The following DIS3L2 variants were observed in gnomAD, a reference collection of about 807,000 sequenced individuals.
The protein encoded by DIS3L2 is DIS3 like 3'-5' exoribonuclease 2, also known as DIS3-like exonuclease 2.
A neutral mutation model predicts 97.5 loss-of-function variants in DIS3L2; 34 were observed. The observed-to-expected ratio is 0.35, with a 90% CI of 0.27 to 0.46. DIS3L2 has a LOEUF of 0.46. Among genes scored for constraint, DIS3L2 ranks in the 20% least tolerant of loss-of-function variants. The pLI is 1.00. For missense variants in DIS3L2, 1,038 were observed against 1,146.0 expected, an observed-to-expected ratio of 0.91 and a Z score of 1.36; for synonymous variants, 435 against 445.2, an observed-to-expected ratio of 0.98 and a Z score of 0.29.
rs112159846 is a variant in DIS3L2, at chr2:231,975,126, G to A, written c.-94+13361G>A. Among the ~76,000 whole-genome samples, 20 of 152,226 alleles carry A rather than the reference G, an allele frequency of 1.3e-4. 2 individuals carry two copies. Among genetic ancestry groups the A allele is most frequent in the African/African-American group, 4.8e-4 (20 of 41,534 alleles). ...TTTTAGTAAAGATCTTAGAATCTCA[G>A]ATGGGACTTTTCAGCTTTAGGAAAT... On this transcript the variant is annotated intron_variant, in intron 1 of 20. Coordinates refer to ENST00000325385, the MANE Select transcript of DIS3L2 (RefSeq NM_152383.5).
chr2:232,326,222 AT>A (rs1695568827), intron 14 of DIS3L2, among the ~76,000 whole-genome samples: 1 of 152,112 alleles, frequency 6.6e-6, no homozygotes, highest in South Asian at 2.1e-4. Context: ...CCACCAGGGA[AT>A]TGACAGGGTG....
chr2:232,211,755 G>C (rs1177643739), intron 10 of DIS3L2, among the ~76,000 whole-genome samples: 1 of 152,216 alleles, frequency 6.6e-6, no homozygotes, highest in Non-Finnish European at 1.5e-5. Flanking sequence ...AGATGGGGAA[G>C]CTTAGTAGAT....
In DIS3L2 at chr2:232,037,140, G is replaced by A. The variant is rs1027492743; in HGVS notation, c.366+7060G>A. On this transcript the variant is annotated intron_variant, in intron 5 of 20. Transcript: ENST00000325385. The surrounding 1 kb of genome is among the most constrained non-coding windows in gnomAD (Gnocchi z 4.6). ...GTCTGCTGAAGCTGCACCCACATCC[G>A]CCCCTTCCCCCAGGTGCTCTGTCCC... is the stretch of plus-strand genomic sequence containing the variant. 2.0e-5 allele frequency among the ~76,000 whole-genome samples: 3 copies of A among 152,180 alleles called. No homozygotes were observed. The highest frequency in any genetic ancestry group is 7.2e-5 in the African/African-American group (3 of 41,448).
chr2:232,249,027 C>T (rs1574971281), intron 11 of DIS3L2, among the ~76,000 whole-genome samples: 2 of 152,186 alleles, frequency 1.3e-5, no homozygotes, highest in Non-Finnish European at 2.9e-5. Context: ...ACCAGTTCTC[C>T]TCACTTTCCC....
At chr2:232,000,415 C>T (rs1693843695) in intron 1 of DIS3L2, among the ~76,000 whole-genome samples, 1 of 152,046 alleles carries the variant, frequency 6.6e-6, no homozygotes, top group Non-Finnish European at 1.5e-5. Flanking sequence ...AGACATCTCT[C>T]CTCTCCCCTC....
At chr2:232,278,897 C>A (rs1434540072) in intron 13 of DIS3L2, among the ~76,000 whole-genome samples, 2 of 152,142 alleles carry the variant, frequency 1.3e-5, no homozygotes, top group African/African-American at 4.8e-5. Flanking sequence ...TCCAAAGTGA[C>A]TATACCACTT....
intron 9 of DIS3L2, among the ~76,000 whole-genome samples, chr2:232,181,562 C>T (rs1249261): frequency 1.3e-5 from 2 of 151,964 alleles, no homozygotes; most frequent in Admixed American, 6.6e-5. Flanking sequence ...ATTTCATTCA[C>T]TTCATCTTCC....
In DIS3L2 at chr2:232,037,881, C is replaced by A. The variant is rs1036692558; in HGVS notation, c.366+7801C>A. Among the ~76,000 whole-genome samples, 3 of 152,224 alleles carry A rather than the reference C, an allele frequency of 2.0e-5. No homozygotes were observed. The highest frequency in any genetic ancestry group is 2.0e-4 in the Admixed American group (3 of 15,290). On this transcript the variant is annotated intron_variant, in intron 5 of 20. Transcript: ENST00000325385. The surrounding 1 kb of genome is among the most constrained non-coding windows in gnomAD (Gnocchi z 4.6). ...GGGCTGCACCCACTGGCTAACCAGT[C>A]CCAGTGAGATGAACCAGGTACCTCA... is the stretch of plus-strand genomic sequence containing the variant.
intron 3 of DIS3L2, 27 bp from the exon 4 acceptor site, chr2:232,024,250 T>A: frequency 2.6e-6 from 4 of 1,538,268 alleles, no homozygotes; most frequent in Non-Finnish European, 3.5e-6. Flanking sequence ...AGCTAGATTT[T>A]CACAAACTTT....
At chr2:232,285,149 C>A (rs1694394363) in intron 13 of DIS3L2, among the ~76,000 whole-genome samples, 1 of 152,150 alleles carries the variant, frequency 6.6e-6, no homozygotes, top group Non-Finnish European at 1.5e-5. Context: ...AGTTTTTGGA[C>A]TAGCTGACTG....
At chr2:232,290,633 G>A (rs534852018) in intron 13 of DIS3L2, among the ~76,000 whole-genome samples, 1 of 152,330 alleles carries the variant, frequency 6.6e-6, no homozygotes, top group Admixed American at 6.5e-5. Flanking sequence ...TTCTCAGAAA[G>A]TAAAACCTCA....
intron 13 of DIS3L2, among the ~76,000 whole-genome samples, chr2:232,270,146 A>G (rs955140530): frequency 6.6e-6 from 1 of 152,152 alleles, no homozygotes; most frequent in Non-Finnish European, 1.5e-5. Flanking sequence ...GAGGTCGAGA[A>G]GAGAGATGAT....
intron 9 of DIS3L2, among the ~76,000 whole-genome samples, chr2:232,176,717 T>C (rs536410841): frequency 1.3e-5 from 2 of 151,660 alleles, no homozygotes; most frequent in South Asian, 2.1e-4. Flanking sequence ...GCCTACCAAG[T>C]ACCTGGGACC....
At chr2:232,221,430 A>G (rs1361382175) in intron 10 of DIS3L2, among the ~76,000 whole-genome samples, 2 of 152,204 alleles carry the variant, frequency 1.3e-5, no homozygotes, top group African/African-American at 2.4e-5. Flanking sequence ...GCATTTCAGG[A>G]TTCAGCTCAC....
chr2:232,315,281 T>A (rs945190087), intron 14 of DIS3L2, among the ~76,000 whole-genome samples: 1 of 152,188 alleles, frequency 6.6e-6, no homozygotes, highest in Non-Finnish European at 1.5e-5. Flanking sequence ...CAAATGTCTC[T>A]GCTGTAAAAA....
intron 10 of DIS3L2, among the ~76,000 whole-genome samples, chr2:232,230,450 A>G (rs1464539087): frequency 6.6e-6 from 1 of 152,166 alleles, no homozygotes; most frequent in Non-Finnish European, 1.5e-5. Flanking sequence ...ACTGTTTTCT[A>G]TCTCTGTTGA....
intron 6 of DIS3L2, among the ~76,000 whole-genome samples, chr2:232,103,375 A>G (rs534592584): frequency 1.3e-5 from 2 of 152,268 alleles, no homozygotes; most frequent in Non-Finnish European, 2.9e-5. Flanking sequence ...CTTGAGACCA[A>G]GTTAACCAAA....
At chr2:232,063,333 GCTAT>G (rs151191327) in intron 5 of DIS3L2, among the ~76,000 whole-genome samples, 112 of 152,156 alleles carry the variant, frequency 7.4e-4, no homozygotes, top group Middle Eastern at 3.4e-3. Context: ...TTTCTTGATG[GCTAT>G]CTTTCTTTTA....
At chr2:232,221,287 A>C (rs1379575561) in intron 10 of DIS3L2, among the ~76,000 whole-genome samples, 1 of 152,002 alleles carries the variant, frequency 6.6e-6, no homozygotes, top group Admixed American at 6.6e-5. Flanking sequence ...TAAATGGTGC[A>C]TGTAGATCTT....
Sources: allele counts gnomAD v4.1 joint callset (sites outside exome capture counted in the v4.1 genomes callset), GRCh38; gene constraint gnomAD v4.1.1; non-coding constraint Gnocchi (gnomAD v3.1); transcripts MANE v1.5; gene names NCBI Gene and HGNC (gene_info 2026-07-23, HGNC 2026-07-21).